Variants in GALNTL6 observed in about 807,000 individuals in gnomAD.
GALNTL6 encodes the protein polypeptide N-acetylgalactosaminyltransferase-like 6.
In GALNTL6, 46 loss-of-function variants were observed where a neutral mutation model predicts 73.7. That is an observed-to-expected ratio of 0.62 (90% confidence interval 0.49 to 0.80). GALNTL6 has a LOEUF of 0.80. Ranked by LOEUF, GALNTL6 falls within the 30% of genes least tolerant of loss-of-function variation. GALNTL6 has a pLI of 0.00. For synonymous variants in GALNTL6, 259 were observed against 263.7 expected (o/e 0.98, Z 0.17); for missense variants, 604 against 755.0 (o/e 0.80, Z 2.34).
chr4:172,956,687 C>T (rs955387007), intron 10 of GALNTL6, among the ~76,000 whole-genome samples: 1 of 152,184 alleles, frequency 6.6e-6, no homozygotes, highest in African/African-American at 2.4e-5. Context: ...AGCGTCTATA[C>T]AGGAGCTCAA....
intron 2 of GALNTL6, among the ~76,000 whole-genome samples, chr4:172,129,757 C>T (rs1733403733): frequency 6.6e-6 from 1 of 152,088 alleles, no homozygotes; most frequent in Non-Finnish European, 1.5e-5. Flanking sequence ...ACCACAAGAA[C>T]ATTTGTCTTT....
chr4:172,057,476 C>T (rs1485532608), intron 2 of GALNTL6, among the ~76,000 whole-genome samples: 1 of 151,262 alleles, frequency 6.6e-6, no homozygotes, highest in East Asian at 1.9e-4. Flanking sequence ...ATCATTTGAG[C>T]CCAGGAATTC....
At chr4:172,432,603 T>G (rs2111385305) in intron 5 of GALNTL6, among the ~76,000 whole-genome samples, 1 of 152,118 alleles carries the variant, frequency 6.6e-6, no homozygotes, top group East Asian at 1.9e-4. Flanking sequence ...TGATGAAATA[T>G]CTAAAACTGG....
intron 2 of GALNTL6, among the ~76,000 whole-genome samples, chr4:171,823,590 CAT>C (rs5864096): frequency 0.69 from 103,262 of 148,788 alleles, 37,950 homozygotes; most frequent in Admixed American, 0.83. Flanking sequence ...TACACACACA[CAT>C]ATATATATAT....
intron 2 of GALNTL6, among the ~76,000 whole-genome samples, chr4:171,838,645 G>A (rs1335880677): frequency 2.6e-5 from 4 of 151,824 alleles, no homozygotes; most frequent in African/African-American, 7.2e-5. Context: ...TCTAACATTA[G>A]TCCGAGGTGC....
At chr4:172,954,232 C>A (rs1434885363) in intron 10 of GALNTL6, among the ~76,000 whole-genome samples, 1 of 152,180 alleles carries the variant, frequency 6.6e-6, no homozygotes, top group Non-Finnish European at 1.5e-5. Context: ...TAAACCATAA[C>A]CTGAATTTAT....
At chr4:172,139,355 A>G (rs1356073712) in intron 2 of GALNTL6, among the ~76,000 whole-genome samples, 1 of 152,210 alleles carries the variant, frequency 6.6e-6, no homozygotes, top group African/African-American at 2.4e-5. Context: ...AGACAAATGC[A>G]TAGGTTTTTA....
intron 5 of GALNTL6, among the ~76,000 whole-genome samples, chr4:172,450,394 C>T (rs1455793849): frequency 6.6e-6 from 1 of 152,014 alleles, no homozygotes; most frequent in Non-Finnish European, 1.5e-5. Flanking sequence ...CAAGCCCCTT[C>T]ATTTGCCATC....
chr4:172,180,725 T>C (rs1430730500), intron 2 of GALNTL6, among the ~76,000 whole-genome samples: 2 of 152,190 alleles, frequency 1.3e-5, no homozygotes, highest in African/African-American at 4.8e-5. Context: ...CCATTGCTTG[T>C]TTTTGTCAGG....
chr4:171,905,631 C>G (rs199746494), intron 2 of GALNTL6, among the ~76,000 whole-genome samples: 44,250 of 148,904 alleles, frequency 0.3, 8,683 homozygotes, highest in African/African-American at 0.5. Flanking sequence ...CTCAGCTCTG[C>G]ACCAAGTGGA....
intron 5 of GALNTL6, among the ~76,000 whole-genome samples, chr4:172,382,419 A>G (rs1743316475): frequency 6.6e-6 from 1 of 151,998 alleles, no homozygotes; most frequent in African/African-American, 2.4e-5. Context: ...TGGGAGAAAT[A>G]TGTACTCCAG....
At chr4:171,837,237 G>A (rs1296716648) in intron 2 of GALNTL6, among the ~76,000 whole-genome samples, 1 of 152,000 alleles carries the variant, frequency 6.6e-6, no homozygotes, top group Non-Finnish European at 1.5e-5. Context: ...TGAAATAACT[G>A]GCCTGTAATC....
At chr4:172,910,025 A>G (rs1038834882) in intron 8 of GALNTL6, among the ~76,000 whole-genome samples, 15 of 152,036 alleles carry the variant, frequency 9.9e-5, no homozygotes. Context: ...AAGGCAAAGT[A>G]TATAGAACAA....
intron 5 of GALNTL6, among the ~76,000 whole-genome samples, chr4:172,750,087 CAA>C (rs1295104452): frequency 1.3e-5 from 2 of 152,230 alleles, no homozygotes; most frequent in East Asian, 1.9e-4. Context: ...AAATTTATAA[CAA>C]GAGTTAAAAT....
At chr4:172,563,489 C>T (rs915349873) in intron 5 of GALNTL6, among the ~76,000 whole-genome samples, 1 of 152,146 alleles carries the variant, frequency 6.6e-6, no homozygotes, top group East Asian at 1.9e-4. Flanking sequence ...TAAAATATCC[C>T]TCAGGATATT....
intron 2 of GALNTL6, among the ~76,000 whole-genome samples, chr4:171,859,127 T>TGAAG (rs1486956833): frequency 6.6e-6 from 1 of 152,180 alleles, no homozygotes; most frequent in East Asian, 1.9e-4. Flanking sequence ...AACACAGGTG[T>TGAAG]ATCTTTCTGT....
chr4:172,073,810 G>A (rs1459310766), intron 2 of GALNTL6, among the ~76,000 whole-genome samples: 1 of 152,190 alleles, frequency 6.6e-6, no homozygotes, highest in Non-Finnish European at 1.5e-5. Flanking sequence ...CAATTTGGCT[G>A]AGGGCTAAGC....
At chr4:172,259,532 G>A (rs1272677262) in intron 3 of GALNTL6, among the ~76,000 whole-genome samples, 3 of 150,978 alleles carry the variant, frequency 2.0e-5, no homozygotes, top group South Asian at 4.2e-4. Flanking sequence ...TGCACAGTTC[G>A]TGAATATTTT....
At chr4:172,066,225 A>G (rs571671206) in intron 2 of GALNTL6, among the ~76,000 whole-genome samples, 48 of 152,262 alleles carry the variant, frequency 3.2e-4, no homozygotes, top group Non-Finnish European at 6.5e-4. Flanking sequence ...CACTGCTCTG[A>G]AAATCTTCAG....
Sources: gnomAD v4.1 joint callset for allele counts (sites outside exome capture counted in the v4.1 genomes callset) on GRCh38, gnomAD v4.1.1 for gene constraint, MANE v1.5 for transcripts, NCBI Gene and HGNC (gene_info 2026-07-23, HGNC 2026-07-21) for gene names.